CSTL1: variants seen among roughly 807,000 people sequenced by gnomAD.
The protein encoded by CSTL1 is cystatin-like 1.
In CSTL1, 14 loss-of-function variants were observed where a neutral mutation model predicts 14.4. The observed-to-expected ratio is 0.97, with a 90% CI of 0.64 to 1.52. The LOEUF is 1.52. CSTL1 is among the 40% of genes most tolerant of loss of function. The probability of loss-of-function intolerance (pLI) is 0.00; values close to 1 mark genes in which losing one functional copy is unlikely to be tolerated. For synonymous variants in CSTL1, 72 were observed against 67.5 expected (o/e 1.07, Z -0.33); for missense variants, 170 against 168.7 (o/e 1.01, Z -0.04).
chr20:23,460,818 C>A, the CSTL1 span, among the ~76,000 whole-genome samples: 3 of 152,094 alleles, frequency 2.0e-5, no homozygotes, highest in South Asian at 4.1e-4. Context: ...GCTCATTTAG[C>A]CAAAGGGAAA....
Position 23,444,766 on chromosome 20 carries a change from T to C in CSTL1, c.331-5T>C, listed in dbSNP as rs1390449091. 1.3e-6 allele frequency: 2 copies of C among 1,593,476 alleles called. No individual in the cohort carries two copies. Among genetic ancestry groups the C allele is most frequent in the East Asian group, 4.5e-5 (2 of 44,780 alleles). On this transcript the variant is annotated splice_polypyrimidine_tract_variant and splice_region_variant and intron_variant, in intron 3 of 3. Transcript: ENST00000347397. Reference sequence around the variant, plus strand: ...CCAAAGTCTGTTTTCTTTCTTCTTCTACAGAGTTTAATTTGCGAGTCTTTG... The same window carrying C: ...CCAAAGTCTGTTTTCTTTCTTCTTCCACAGAGTTTAATTTGCGAGTCTTTG...
At position 23,440,503 on chromosome 20, in the gene CSTL1, C is replaced by T; in HGVS notation, c.219+17C>T. The T allele has an allele frequency of 6.4e-7, 1 of 1,567,536 alleles. No individual in the cohort carries two copies. The highest frequency in any genetic ancestry group is 8.8e-7 in the Non-Finnish European group (1 of 1,137,686). On this transcript the variant is annotated intron_variant, in intron 2 of 3. Coordinates refer to ENST00000347397, the MANE Select transcript of CSTL1 (RefSeq NM_138283.1). Reference sequence around the variant, plus strand: ...CAGATGCAGGTTTGTACCTTGCTCTCCCAAGACATCAGCAGGCCCTGTTCT... The same window carrying T: ...CAGATGCAGGTTTGTACCTTGCTCTTCCAAGACATCAGCAGGCCCTGTTCT...
the CSTL1 span, among the ~76,000 whole-genome samples, chr20:23,454,543 C>T: frequency 3.9e-5 from 6 of 152,352 alleles, no homozygotes; most frequent in African/African-American, 1.4e-4. Context: ...GTGGAGCGCA[C>T]ATCCTCCATG....
At chr20:23,455,655 C>A in the CSTL1 span, among the ~76,000 whole-genome samples, 958 of 152,346 alleles carry the variant, frequency 6.3e-3, 11 homozygotes, top group African/African-American at 0.021. Flanking sequence ...AGCCCATGGG[C>A]CTTCACTTGT....
chr20:23,450,406 A>G, the CSTL1 span: 1 of 726,272 alleles, frequency 1.4e-6, no homozygotes, highest in Non-Finnish European at 2.2e-6. Flanking sequence ...CACGATCTTA[A>G]GAGAATATGT....
At position 23,440,258 on chromosome 20, in the gene CSTL1, G is replaced by A. The variant is rs1600271333; in HGVS notation, c.-10G>A. 6.2e-7 allele frequency: 1 copy of A among 1,613,850 alleles called. No homozygotes were observed. Among genetic ancestry groups the A allele is most frequent in the East Asian group, 2.2e-5 (1 of 44,882 alleles). On this transcript the variant is annotated 5_prime_UTR_variant, in exon 2 of 4. Transcript: ENST00000347397. ...GTGCAGTTGGGAAGAAAGTTTCTGA[G>A]GCTGTAGACATGGGGATCGGATGCT... is the stretch of plus-strand genomic sequence containing the variant.
the CSTL1 span, among the ~76,000 whole-genome samples, chr20:23,453,668 T>G: frequency 6.6e-6 from 1 of 152,100 alleles, no homozygotes; most frequent in Non-Finnish European, 1.5e-5. Flanking sequence ...TGTTATGGTG[T>G]CTTTTGGGAA....
chr20:23,451,716 T>G, the CSTL1 span: 5 of 850,988 alleles, frequency 5.9e-6, no homozygotes, highest in Non-Finnish European at 7.5e-6. Flanking sequence ...CAAGCCAGCT[T>G]GAGTAAATTC....
chr20:23,457,277 G>A, the CSTL1 span, among the ~76,000 whole-genome samples: 5 of 152,106 alleles, frequency 3.3e-5, no homozygotes, highest in Non-Finnish European at 5.9e-5. Flanking sequence ...TAGCTTGGGC[G>A]AGGGTCAGGT....
downstream of CSTL1, among the ~76,000 whole-genome samples, chr20:23,446,744 A>G (rs757366533): frequency 1.3e-5 from 2 of 152,214 alleles, no homozygotes; most frequent in Non-Finnish European, 2.9e-5. Flanking sequence ...GCCACAGACA[A>G]TGGCTGACAG....
chr20:23,440,055 G>T (rs1986788447), intron 1 of CSTL1, 89 bp from the exon 2 acceptor site: 1 of 586,666 alleles, frequency 1.7e-6, no homozygotes, highest in South Asian at 2.0e-5. Flanking sequence ...GATCACCAAA[G>T]AACTGAATGG....
rs1195964981 is a variant in CSTL1 at position 23,440,913 on chromosome 20, C to T, written c.219+427C>T. On this transcript the variant is annotated intron_variant, in intron 2 of 3. Transcript: ENST00000347397. ...CTGAGATTACAGGTACGTACCACCA[C>T]ACCTGGCTAAATTTTTTGTATTTTT... 3 of 270,676 alleles carry T rather than the reference C, an allele frequency of 1.1e-5. No homozygotes were observed. The East Asian group carries it at 3.4e-4, about 30-fold the overall frequency. The allele number at this position is 270,676 out of a possible 1,614,324, so 16.8% of individuals were successfully genotyped here.
At chr20:23,458,645 A>T in the CSTL1 span, 1 of 152,382 alleles carries the variant, frequency 6.6e-6, no homozygotes, top group Admixed American at 6.5e-5. Context: ...CAGGAGAACC[A>T]GCAAATATCA....
chr20:23,460,073 T>G, the CSTL1 span, among the ~76,000 whole-genome samples: 5 of 152,234 alleles, frequency 3.3e-5, no homozygotes, highest in African/African-American at 1.2e-4. Flanking sequence ...TAGATGAGAA[T>G]GCCTTTTCCA....
chr20:23,457,539 A>G, the CSTL1 span: 1 of 151,880 alleles, frequency 6.6e-6, no homozygotes, highest in Non-Finnish European at 1.5e-5. Context: ...GATAATATGT[A>G]TGTATGTATA....
intron 2 of CSTL1, 104 bp downstream of exon 2, chr20:23,440,590 C>T (rs754901999): frequency 1.5e-5 from 13 of 857,436 alleles, no homozygotes; most frequent in African/African-American, 9.9e-5. Context: ...GGTGGTCCTC[C>T]GTGAGGTCCC....
At chr20:23,444,178 C>T in intron 3 of CSTL1, 134 bp downstream of exon 3, 1 of 697,570 alleles carries the variant, frequency 1.4e-6, no homozygotes. Flanking sequence ...TCTGGCACCT[C>T]CTGAGGCACC....
chr20:23,449,039 G>A (rs6048800), downstream of CSTL1, among the ~76,000 whole-genome samples: 323 of 152,232 alleles, frequency 2.1e-3, no homozygotes, highest in African/African-American at 7.0e-3. Flanking sequence ...ACTTCAACAG[G>A]GAGAGTAAAA....
the CSTL1 span, among the ~76,000 whole-genome samples, chr20:23,450,252 C>A: frequency 6.6e-6 from 1 of 152,124 alleles, no homozygotes; most frequent in African/African-American, 2.4e-5. Context: ...TGAAGTTCTG[C>A]TACCATGAAG....
Sources: allele counts gnomAD v4.1 joint callset (sites outside exome capture counted in the v4.1 genomes callset), GRCh38; gene constraint gnomAD v4.1.1; transcripts MANE v1.5; gene names NCBI Gene and HGNC (gene_info 2026-07-23, HGNC 2026-07-21).